GRIA1: variants seen among roughly 807,000 people sequenced by gnomAD.
The protein encoded by GRIA1 is glutamate receptor 1.
A neutral mutation model predicts 99.2 loss-of-function variants in GRIA1; 31 were observed. The ratio of observed to expected loss-of-function variants is 0.31; its 90% CI spans 0.23 to 0.42. The LOEUF is 0.42. Ranked by LOEUF, GRIA1 falls within the 10% of genes least tolerant of loss-of-function variation. The pLI is 1.00. For synonymous variants in GRIA1, 438 were observed against 432.4 expected (o/e 1.01, Z -0.16); for missense variants, 782 against 1,157.5 (o/e 0.68, Z 4.71).
chr5:153,581,084 CG>C (rs1462162164), intron 2 of GRIA1, among the ~76,000 whole-genome samples: 6 of 152,194 alleles, frequency 3.9e-5, no homozygotes, highest in Non-Finnish European at 7.3e-5. Context: ...GTCTGGCATG[CG>C]GACGGCTTCC....
intron 13 of GRIA1, among the ~76,000 whole-genome samples, chr5:153,790,006 T>A (rs971746463): frequency 3.9e-5 from 6 of 152,216 alleles, no homozygotes; most frequent in African/African-American, 1.4e-4. Context: ...ATTTGACAGA[T>A]GGAGACACTG....
intron 2 of GRIA1, among the ~76,000 whole-genome samples, chr5:153,540,134 G>A (rs1201755167): frequency 5.3e-5 from 8 of 152,222 alleles, no homozygotes; most frequent in Admixed American, 3.9e-4. Flanking sequence ...GCCAGTGCAC[G>A]TGGAGACGAG....
At chr5:153,565,484 TGTTCA>T (rs1285755871) in intron 2 of GRIA1, among the ~76,000 whole-genome samples, 2 of 152,204 alleles carry the variant, frequency 1.3e-5, no homozygotes, top group South Asian at 2.1e-4. Flanking sequence ...CCATTTAAAG[TGTTCA>T]GTTCAGTATT....
chr5:153,517,049 G>C (rs1756692982), intron 2 of GRIA1, among the ~76,000 whole-genome samples: 1 of 152,090 alleles, frequency 6.6e-6, no homozygotes, highest in African/African-American at 2.4e-5. Context: ...GAGGAGAGCA[G>C]GCCCTGCAAT....
At chr5:153,594,873 T>C (rs975747224) in intron 2 of GRIA1, among the ~76,000 whole-genome samples, 1 of 152,008 alleles carries the variant, frequency 6.6e-6, no homozygotes, top group African/African-American at 2.4e-5. Context: ...TCTGGGGCTT[T>C]CCACCAGGTT....
intron 2 of GRIA1, among the ~76,000 whole-genome samples, chr5:153,592,874 C>A (rs1419084008): frequency 6.6e-6 from 1 of 152,198 alleles, no homozygotes; most frequent in Non-Finnish European, 1.5e-5. Context: ...CTTCTTGCTG[C>A]ATCTTTGCAT....
intron 1 of GRIA1, among the ~76,000 whole-genome samples, chr5:153,492,490 G>A (rs538905552): frequency 1.3e-5 from 2 of 152,246 alleles, no homozygotes; most frequent in South Asian, 2.1e-4. Context: ...CTGGGGGGAA[G>A]GGGGAGCATC....
At chr5:153,621,354 C>G (rs1430044879) in intron 2 of GRIA1, among the ~76,000 whole-genome samples, 1 of 152,116 alleles carries the variant, frequency 6.6e-6, no homozygotes, top group African/African-American at 2.4e-5. Flanking sequence ...GTAATCCCAG[C>G]ATTTGGGGAG....
chr5:153,602,436 C>T (rs1333532533), intron 2 of GRIA1, among the ~76,000 whole-genome samples: 5 of 151,772 alleles, frequency 3.3e-5, no homozygotes, highest in Admixed American at 2.0e-4. Context: ...TGCTAAATGA[C>T]GAGTTAATGG....
chr5:153,676,586 G>A (rs1419726600), intron 6 of GRIA1, among the ~76,000 whole-genome samples: 4 of 152,118 alleles, frequency 2.6e-5, no homozygotes, highest in African/African-American at 4.8e-5. Context: ...CTGTAATGCC[G>A]GGATAAACCA....
chr5:153,526,970 CTAGA>C (rs1001941111), intron 2 of GRIA1, among the ~76,000 whole-genome samples: 2 of 152,174 alleles, frequency 1.3e-5, no homozygotes, highest in African/African-American at 4.8e-5. Context: ...AGGGAAGAGG[CTAGA>C]TAGAGAGACT....
chr5:153,533,720 A>G (rs952000537), intron 2 of GRIA1, among the ~76,000 whole-genome samples: 6 of 152,192 alleles, frequency 3.9e-5, no homozygotes, highest in Non-Finnish European at 8.8e-5. Context: ...AATAAAGTGA[A>G]GAGAAGGGTG....
intron 2 of GRIA1, among the ~76,000 whole-genome samples, chr5:153,626,024 G>A (rs1016584473): frequency 3.3e-5 from 5 of 152,102 alleles, no homozygotes; most frequent in African/African-American, 7.2e-5. Flanking sequence ...CAAGGCCACC[G>A]AACCTGGAGG....
At chr5:153,544,718 G>A (rs1461953325) in intron 2 of GRIA1, among the ~76,000 whole-genome samples, 1 of 152,114 alleles carries the variant, frequency 6.6e-6, no homozygotes, top group Non-Finnish European at 1.5e-5. Flanking sequence ...GCCAAGGTCA[G>A]GGAAAAGCCG....
At chr5:153,689,886 C>G (rs1363823755) in intron 8 of GRIA1, among the ~76,000 whole-genome samples, 1 of 152,206 alleles carries the variant, frequency 6.6e-6, no homozygotes, top group Non-Finnish European at 1.5e-5. Flanking sequence ...CCAGTTGTTA[C>G]TCCCAGAACC....
chr5:153,611,320 A>G (rs1014451565), intron 2 of GRIA1, among the ~76,000 whole-genome samples: 2 of 152,212 alleles, frequency 1.3e-5, no homozygotes, highest in Non-Finnish European at 1.5e-5. Flanking sequence ...AAACTGGCAA[A>G]TCCTACATTC....
intron 11 of GRIA1, 35 bp from the exon 12 acceptor site, chr5:153,764,399 C>T (rs755653641): frequency 2.6e-6 from 4 of 1,544,722 alleles, no homozygotes; most frequent in Non-Finnish European, 2.7e-6. Flanking sequence ...CAGTTGATGT[C>T]CATGCTGCTG....
intron 1 of GRIA1, among the ~76,000 whole-genome samples, chr5:153,492,732 A>G (rs1754042738): frequency 6.6e-6 from 1 of 152,124 alleles, no homozygotes; most frequent in Admixed American, 6.5e-5. Context: ...TATTTTTAAA[A>G]TTATATTTAG....
intron 5 of GRIA1, 140 bp from the exon 6 acceptor site, chr5:153,674,360 A>G: frequency 1.1e-6 from 1 of 902,978 alleles, no homozygotes; most frequent in Non-Finnish European, 1.8e-6. Context: ...TCAAGTTCAA[A>G]GGAAAGGAGG....
Sources: gnomAD v4.1 joint callset for allele counts (sites outside exome capture counted in the v4.1 genomes callset) on GRCh38, gnomAD v4.1.1 for gene constraint, MANE v1.5 for transcripts, NCBI Gene and HGNC (gene_info 2026-07-23, HGNC 2026-07-21) for gene names.